HPSE2: variants seen among roughly 807,000 people sequenced by gnomAD.
The protein encoded by HPSE2 is heparanase 2 (inactive).
In HPSE2, 38 loss-of-function variants were observed where a neutral mutation model predicts 60.5. The observed-to-expected ratio is 0.63, with a 90% CI of 0.48 to 0.82. HPSE2 has a LOEUF of 0.82. Ranked by LOEUF, HPSE2 falls within the 40% of genes least tolerant of loss-of-function variation. The pLI is 0.00. For missense variants in HPSE2, 713 were observed against 740.4 expected (o/e 0.96, Z 0.43); for synonymous variants, 295 against 293.2 (o/e 1.01, Z -0.06).
intron 3 of HPSE2, among the ~76,000 whole-genome samples, chr10:98,788,602 G>A (rs937623718): frequency 1.3e-5 from 2 of 152,144 alleles, no homozygotes; most frequent in African/African-American, 4.8e-5. Context: ...GCGAGATTCC[G>A]TGGGCGTAGG....
intron 3 of HPSE2, among the ~76,000 whole-genome samples, chr10:98,864,951 G>A (rs1428057767): frequency 6.6e-6 from 1 of 152,120 alleles, no homozygotes; most frequent in Non-Finnish European, 1.5e-5. Context: ...TTATGTGAAA[G>A]CAAGTTTTAC....
chr10:98,635,477 G>A (rs1489716929), intron 7 of HPSE2, among the ~76,000 whole-genome samples: 2 of 152,132 alleles, frequency 1.3e-5, no homozygotes, highest in Non-Finnish European at 2.9e-5. Context: ...AAATCAACCT[G>A]TCTCCATCAA....
the HPSE2 span, among the ~76,000 whole-genome samples, chr10:99,261,528 C>T: frequency 2.0e-5 from 3 of 152,182 alleles, no homozygotes; most frequent in Non-Finnish European, 4.4e-5. Context: ...AAAAACCCAG[C>T]CCAGTTCATG....
chr10:99,018,459 G>A (rs1289890715), intron 3 of HPSE2, among the ~76,000 whole-genome samples: 2 of 152,174 alleles, frequency 1.3e-5, no homozygotes, highest in South Asian at 2.1e-4. Flanking sequence ...AGAGCTGTTG[G>A]ACAACCTTTG....
intron 3 of HPSE2, among the ~76,000 whole-genome samples, chr10:99,046,292 T>A (rs1311720942): frequency 6.6e-6 from 1 of 152,062 alleles, no homozygotes; most frequent in Admixed American, 6.6e-5. Context: ...GTCTTTATGA[T>A]AAAAACCCTC....
chr10:98,641,919 C>T lies in HPSE2; in HGVS notation c.1026G>A (p.Val342=). The T allele has an allele frequency of 6.2e-7, 1 of 1,613,668 alleles. No individual in the cohort carries two copies. The highest frequency in any genetic ancestry group is 1.3e-5 in the African/African-American group (1 of 74,994). ...TWQHCYIDGR[V]VKVMDFLKTR... is the part of the protein sequence containing the mutation. ...TTTTCAGGAAGTCCATCACCTTGAC[C>T]ACCCGGCCATCAATGTAGCAACTGG... The change falls in exon 7 of 12, where the codon GTG becomes GTA. Residue 342 remains valine, a synonymous_variant. Coordinates refer to ENST00000370552, the MANE Select transcript of HPSE2 (RefSeq NM_021828.5).
chr10:98,570,942 C>T (rs1441040171), intron 9 of HPSE2, among the ~76,000 whole-genome samples: 1 of 152,150 alleles, frequency 6.6e-6, no homozygotes, highest in Non-Finnish European at 1.5e-5. Flanking sequence ...AGTGTAGAAA[C>T]TCAAGTGTAT....
intron 3 of HPSE2, among the ~76,000 whole-genome samples, chr10:99,138,195 C>T (rs1845731727): frequency 6.6e-6 from 1 of 152,148 alleles, no homozygotes; most frequent in Admixed American, 6.5e-5. Context: ...AATGGGATAC[C>T]ATCTCACGCC....
chr10:99,196,357 T>C (rs1431114216), intron 2 of HPSE2, among the ~76,000 whole-genome samples: 2 of 151,914 alleles, frequency 1.3e-5, no homozygotes, highest in Non-Finnish European at 2.9e-5. Flanking sequence ...ATGAATACCC[T>C]GGATCACATC....
At chr10:98,694,960 C>T (rs1158011983) in intron 5 of HPSE2, among the ~76,000 whole-genome samples, 2 of 152,086 alleles carry the variant, frequency 1.3e-5, no homozygotes, top group Non-Finnish European at 2.9e-5. Context: ...ATTCTTCCTC[C>T]AGGGAGAAGG....
chr10:98,713,262 A>C (rs1320957645), intron 5 of HPSE2, among the ~76,000 whole-genome samples: 1 of 152,030 alleles, frequency 6.6e-6, no homozygotes, highest in African/African-American at 2.4e-5. Context: ...TTTTATTCTA[A>C]GAGAAATGAA....
intron 3 of HPSE2, among the ~76,000 whole-genome samples, chr10:98,832,297 T>C (rs897129323): frequency 6.6e-6 from 1 of 152,162 alleles, no homozygotes; most frequent in Admixed American, 6.5e-5. Flanking sequence ...TTGGAATATA[T>C]TTGGGAATGA....
intron 5 of HPSE2, among the ~76,000 whole-genome samples, chr10:98,718,711 C>T (rs1948849747): frequency 6.6e-6 from 1 of 152,074 alleles, no homozygotes. Flanking sequence ...TGTATGTTCT[C>T]ATGCACATGT....
intron 4 of HPSE2, 123 bp from the exon 5 acceptor site, chr10:98,721,951 G>A: frequency 1.2e-6 from 1 of 853,686 alleles, no homozygotes; most frequent in Non-Finnish European, 1.9e-6. Flanking sequence ...TAAAAAAGTG[G>A]GTGTGAATTA....
At chr10:98,776,696 T>C (rs1950348078) in intron 3 of HPSE2, among the ~76,000 whole-genome samples, 3 of 152,118 alleles carry the variant, frequency 2.0e-5, no homozygotes, top group Admixed American at 1.3e-4. Context: ...AAACTAAATG[T>C]AAGTGTGATT....
intron 3 of HPSE2, among the ~76,000 whole-genome samples, chr10:99,025,789 TTGGG>T (rs1564746427): frequency 1.3e-5 from 2 of 151,916 alleles, no homozygotes; most frequent in Non-Finnish European, 2.9e-5. Context: ...TGAAATAACA[TTGGG>T]TGATGAAATA....
At chr10:98,565,524 G>T (rs1430762941) in intron 9 of HPSE2, among the ~76,000 whole-genome samples, 1 of 152,098 alleles carries the variant, frequency 6.6e-6, no homozygotes, top group African/African-American at 2.4e-5. Flanking sequence ...TTTTATGGTT[G>T]CACAATATTC....
intron 3 of HPSE2, among the ~76,000 whole-genome samples, chr10:98,989,499 G>A (rs1236441623): frequency 6.8e-6 from 1 of 146,390 alleles, no homozygotes; most frequent in Non-Finnish European, 1.5e-5. Context: ...ACTGTTGTGG[G>A]GTGGGGGGAG....
At chr10:98,942,229 TG>T (rs1349884053) in intron 3 of HPSE2, among the ~76,000 whole-genome samples, 2 of 141,132 alleles carry the variant, frequency 1.4e-5, no homozygotes, top group Non-Finnish European at 3.0e-5. Flanking sequence ...AATTGACAAA[TG>T]GGATCTAATT....
Sources: gnomAD v4.1 joint callset for allele counts (sites outside exome capture counted in the v4.1 genomes callset) on GRCh38, gnomAD v4.1.1 for gene constraint, MANE v1.5 for transcripts, NCBI Gene and HGNC (gene_info 2026-07-23, HGNC 2026-07-21) for gene names.